TNFSF9: variants seen among roughly 807,000 people sequenced by gnomAD.
TNFSF9 encodes TNF superfamily member 9, also known as tumor necrosis factor ligand superfamily member 9.
TNFSF9 carries 10 observed loss-of-function variants against 10.3 expected under a neutral mutation model. The ratio of observed to expected loss-of-function variants is 0.97; its 90% CI spans 0.60 to 1.65. The LOEUF is 1.65. TNFSF9 is among the 40% of genes most tolerant of loss of function. The pLI, the probability that TNFSF9 is intolerant of heterozygous loss-of-function variation, is 0.00. For missense variants in TNFSF9, 361 were observed against 348.9 expected, an observed-to-expected ratio of 1.03 and a Z score of -0.28; for synonymous variants, 195 against 176.1, an observed-to-expected ratio of 1.11 and a Z score of -0.85.
At chr19:6,534,144 G>C (rs1915213666) in intron 2 of TNFSF9, among the ~76,000 whole-genome samples, 1 of 126,764 alleles carries the variant, frequency 7.9e-6, no homozygotes, top group Non-Finnish European at 1.6e-5. Context: ...CCCTCTCCAG[G>C]AGTCCCCTTA....
At position 6,535,039 on chromosome 19, in the gene TNFSF9, C is replaced by T. The variant is rs61733920; in HGVS notation, c.738C>T (p.Ala246=). The change falls in exon 3 of 3, where the codon GCC becomes GCT. Residue 246 remains alanine, a synonymous_variant. Coordinates refer to ENST00000245817, the MANE Select transcript of TNFSF9 (RefSeq NM_003811.4). ...GLFRVTPEIP[A]GLPSPRSE is the part of the protein sequence containing the mutation. ...TCCGGGTGACCCCCGAAATCCCAGC[C>T]GGACTCCCTTCACCGAGGTCGGAAT... 1,116 of 1,579,206 alleles carry T rather than the reference C, an allele frequency of 7.1e-4. 3 individuals are homozygous for T. In the African/African-American group the frequency reaches 0.013, roughly 18 times the overall value.
intron 1 of TNFSF9, among the ~76,000 whole-genome samples, chr19:6,532,095 C>A (rs1301143614): frequency 6.6e-6 from 1 of 152,218 alleles, no homozygotes. Flanking sequence ...CAAGGAGACC[C>A]CCAGTTCCTT....
At chr19:6,532,977 C>G (rs141316953) in intron 2 of TNFSF9, among the ~76,000 whole-genome samples, 161 bp downstream of exon 2, 46 of 152,024 alleles carry the variant, frequency 3.0e-4, no homozygotes, top group Non-Finnish European at 5.2e-4. Context: ...TGAACGCCAC[C>G]GATCCCTCTT....
chr19:6,532,888 C>T (rs1037507289), intron 2 of TNFSF9, 72 bp downstream of exon 2: 1 of 1,601,908 alleles, frequency 6.2e-7, no homozygotes, highest in African/African-American at 1.3e-5. Context: ...GAAGGGGGAA[C>T]CTGGAGAGTG....
intron 1 of TNFSF9, among the ~76,000 whole-genome samples, chr19:6,532,294 T>TGTGTGTTC: frequency 7.0e-6 from 1 of 143,122 alleles, no homozygotes; most frequent in Admixed American, 6.8e-5. Context: ...TGTGTGTGTG[T>TGTGTGTTC]GTGTTCGTGT....
At chr19:6,532,417 T>TTG (rs1308216465) in intron 1 of TNFSF9, among the ~76,000 whole-genome samples, 11 of 54,622 alleles carry the variant, frequency 2.0e-4, no homozygotes, top group African/African-American at 1.1e-3. Flanking sequence ...GTGTTTGTGT[T>TTG]TGTTCGTTCG....
chr19:6,532,737 A>G (rs1302532265), intron 1 of TNFSF9, 49 bp from the exon 2 acceptor site: 2 of 1,613,472 alleles, frequency 1.2e-6, no homozygotes, highest in African/African-American at 1.3e-5. Flanking sequence ...CAGAACCTCC[A>G]TTTTCTAGGG....
In TNFSF9 at chr19:6,534,789, T is replaced by TTGCGCTGCACCTGCAGCCAC; in HGVS notation, c.495_514dup (p.Ser172CysfsTer17). ...GGCGAGGGCTCAGGCTCCGTTTCAC[T>TTGCGCTGCACCTGCAGCCAC]TGCGCTGCACCTGCAGCCACTGCGC... On this transcript the variant is annotated frameshift_variant, in exon 3 of 3. Coordinates refer to ENST00000245817, the MANE Select transcript of TNFSF9 (RefSeq NM_003811.4). LOFTEE classifies it low-confidence loss of function (END_TRUNC). 6.2e-7 allele frequency: 1 copy of TTGCGCTGCACCTGCAGCCAC among 1,600,322 alleles called. No individual in the cohort carries two copies. Among genetic ancestry groups the TTGCGCTGCACCTGCAGCCAC allele is most frequent in the Non-Finnish European group, 8.5e-7 (1 of 1,174,444 alleles).
rs1915250988 is a variant in TNFSF9, at chr19:6,535,661, C to G, written c.*595C>G. On this transcript the variant is annotated 3_prime_UTR_variant, in exon 3 of 3. Transcript: ENST00000245817. ...GTGATACTTGGGGGCTAGCTTTTTT[C>G]TTTCTTTCTTTTTTTTGAGATGGTC... 1 of 151,970 alleles carries G rather than the reference C, an allele frequency of 6.6e-6. No homozygotes were observed. 9.4% of individuals were successfully genotyped at this position (151,970 alleles called of 1,614,324 possible).
At chr19:6,533,188 C>T (rs940551440) in intron 2 of TNFSF9, among the ~76,000 whole-genome samples, 2 of 151,282 alleles carry the variant, frequency 1.3e-5, no homozygotes, top group Non-Finnish European at 3.0e-5. Context: ...CCCACTCTCC[C>T]AGCCTCTCTT....
In TNFSF9 at chr19:6,531,189, C is replaced by T. The variant is rs776530973; in HGVS notation, c.153C>T (p.Cys51=). The T allele has an allele frequency of 6.4e-7, 1 of 1,573,140 alleles. No homozygotes were observed. The highest frequency in any genetic ancestry group is 8.6e-7 in the Non-Finnish European group (1 of 1,161,414). ...LAAACAVFLA[C]PWAVSGARAS... is the part of the protein sequence containing the mutation. ...CCGCCTGCGCCGTCTTCCTCGCCTG[C>T]CCCTGGGCCGTGTCCGGGGCTCGCG... The change falls in exon 1 of 3, where the codon TGC becomes TGT. Residue 51 remains cysteine (C), a synonymous_variant. Transcript: ENST00000245817.
At chr19:6,532,566 TGTG>T (rs1915172605) in intron 1 of TNFSF9, among the ~76,000 whole-genome samples, 2 of 151,554 alleles carry the variant, frequency 1.3e-5, no homozygotes, top group South Asian at 4.2e-4. Context: ...TGTGTGTTAA[TGTG>T]GGTGTTCGTG....
intron 1 of TNFSF9, 135 bp downstream of exon 1, chr19:6,531,438 G>A: frequency 8.0e-7 from 1 of 1,251,894 alleles, no homozygotes. Context: ...ACCCACCGGG[G>A]CTCCCATTCT....
At position 6,531,056 on chromosome 19, in the gene TNFSF9, C is replaced by T. The variant is rs1484223052; in HGVS notation, c.20C>T (p.Ala7Val). 5 of 1,611,264 alleles carry T rather than the reference C, an allele frequency of 3.1e-6. No homozygotes were observed. In the Middle Eastern group the frequency reaches 5.0e-4, roughly 160 times the overall value. Residue 7 changes from alanine to valine, a missense_variant, in exon 1 of 3, where the codon GCT becomes GTT. By Grantham distance (64) the Ala-to-Val change is moderately conservative. Transcript: ENST00000245817. Reference sequence around the variant, plus strand: ...CTCGTCATGGAATACGCCTCTGACGCTTCACTGGACCCCGAAGCCCCGTGG... The same window carrying T: ...CTCGTCATGGAATACGCCTCTGACGTTTCACTGGACCCCGAAGCCCCGTGG... MEYASDASLDPEAPWPP... is the reference protein window; with the variant it reads MEYASDVSLDPEAPWPP...
Position 6,535,236 on chromosome 19 carries a change from T to C in TNFSF9, c.*170T>C. The C allele has an allele frequency of 2.0e-6, 1 of 502,376 alleles. No homozygotes were observed. The highest frequency in any genetic ancestry group is 4.1e-5 in the South Asian group (1 of 24,440). The allele number at this position is 502,376 out of a possible 1,614,324, so 31.1% of individuals were successfully genotyped here. ...CTCCTCACCCACTCCTTCCCCAAGT[T>C]GGACCTTGATATTTATTCTGAGCCT... On this transcript the variant is annotated 3_prime_UTR_variant, in exon 3 of 3. Coordinates refer to ENST00000245817, the MANE Select transcript of TNFSF9 (RefSeq NM_003811.4).
At chr19:6,531,612 G>T (rs576640932) in intron 1 of TNFSF9, among the ~76,000 whole-genome samples, 1 of 151,102 alleles carries the variant, frequency 6.6e-6, no homozygotes, top group South Asian at 2.1e-4. Context: ...TTCATCCTGC[G>T]CCCGCTACGA....
chr19:6,533,338 C>T (rs533163202), intron 2 of TNFSF9, among the ~76,000 whole-genome samples: 1 of 135,644 alleles, frequency 7.4e-6, no homozygotes, highest in Admixed American at 7.4e-5. Context: ...CCCATGCTCT[C>T]CCAGTTTCCA....
rs752017666 is a variant in TNFSF9 at position 6,535,068 on chromosome 19, G to A, written c.*2G>A. On this transcript the variant is annotated 3_prime_UTR_variant, in exon 3 of 3. Coordinates refer to ENST00000245817, the MANE Select transcript of TNFSF9 (RefSeq NM_003811.4). The stretch of plus-strand genomic sequence containing the variant: ...CTCCCTTCACCGAGGTCGGAATAAC[G>A]TCCAGCCTGGGTGCAGCCCACCTGG... The A allele has an allele frequency of 1.2e-5, 18 of 1,547,948 alleles. No individual in the cohort carries two copies. Among genetic ancestry groups the A allele is most frequent in the Admixed American group, 3.9e-5 (2 of 51,940 alleles).
intron 1 of TNFSF9, 51 bp from the exon 2 acceptor site, chr19:6,532,735 C>T (rs1235164632): frequency 6.2e-7 from 1 of 1,613,522 alleles, no homozygotes; most frequent in Non-Finnish European, 8.5e-7. Flanking sequence ...GACAGAACCT[C>T]CATTTTCTAG....
Sources: allele counts gnomAD v4.1 joint callset (sites outside exome capture counted in the v4.1 genomes callset), GRCh38; gene constraint gnomAD v4.1.1; transcripts MANE v1.5; gene names NCBI Gene and HGNC (gene_info 2026-07-23, HGNC 2026-07-21).